Variants in MYO5B observed in about 807,000 individuals in gnomAD.
MYO5B encodes the protein unconventional myosin-Vb.
Under a neutral mutation model 229.3 loss-of-function variants are expected in MYO5B, and 143 were observed. That is an observed-to-expected ratio of 0.62 (90% CI 0.54 to 0.72). The LOEUF is 0.72. Among genes scored for constraint, MYO5B ranks in the 30% least tolerant of loss-of-function variants. The pLI is 0.00. For missense variants in MYO5B, 2,321 were observed against 2,331.0 expected (o/e 1.00, Z 0.09); for synonymous variants, 918 against 885.2 (o/e 1.04, Z -0.66).
intron 1 of MYO5B, among the ~76,000 whole-genome samples, chr18:50,152,949 C>G (rs1568126449): frequency 6.6e-6 from 1 of 151,430 alleles, no homozygotes; most frequent in Non-Finnish European, 1.5e-5. Flanking sequence ...ATAGATTCCA[C>G]CCTTCAGGCA....
intron 4 of MYO5B, among the ~76,000 whole-genome samples, chr18:50,014,278 GAA>G (rs374397757): frequency 1.8e-3 from 102 of 55,560 alleles, no homozygotes; most frequent in South Asian, 8.2e-3. Context: ...GATGAGAAAG[GAA>G]AAAAAAAAAA....
intron 22 of MYO5B, among the ~76,000 whole-genome samples, chr18:49,892,575 C>A (rs1271521597): frequency 6.6e-6 from 1 of 152,162 alleles, no homozygotes; most frequent in Non-Finnish European, 1.5e-5. Flanking sequence ...CAGAGCAGGC[C>A]CCTGCTCAAG....
chr18:50,039,016 C>G (rs556862213), intron 3 of MYO5B, among the ~76,000 whole-genome samples: 2 of 152,294 alleles, frequency 1.3e-5, no homozygotes, highest in African/African-American at 4.8e-5. Flanking sequence ...CCTAACTTAG[C>G]AGCTAAAACT....
At chr18:49,923,221 G>T (rs1344276384) in intron 17 of MYO5B, among the ~76,000 whole-genome samples, 1 of 152,196 alleles carries the variant, frequency 6.6e-6, no homozygotes, top group Non-Finnish European at 1.5e-5. Context: ...TGAAGTTGCA[G>T]CTCCTCCTGC....
chr18:50,019,143 A>C (rs113736187), intron 4 of MYO5B, among the ~76,000 whole-genome samples: 6 of 152,364 alleles, frequency 3.9e-5, no homozygotes, highest in African/African-American at 1.4e-4. Flanking sequence ...TGACATTTGA[A>C]AAGAGAAAAA....
chr18:50,059,883 T>C (rs2144425858), intron 1 of MYO5B, among the ~76,000 whole-genome samples: 1 of 152,328 alleles, frequency 6.6e-6, no homozygotes, highest in Admixed American at 6.5e-5. Flanking sequence ...CTTTGCGAGA[T>C]GCATTGCTTC....
At chr18:50,083,586 C>A (rs577500642) in intron 1 of MYO5B, among the ~76,000 whole-genome samples, 90 of 152,320 alleles carry the variant, frequency 5.9e-4, no homozygotes, top group African/African-American at 2.1e-3. Flanking sequence ...ATGCATGCTG[C>A]ATGTGACACG....
intron 1 of MYO5B, among the ~76,000 whole-genome samples, chr18:50,108,406 C>T (rs111403033): frequency 9.2e-4 from 140 of 152,268 alleles, no homozygotes; most frequent in East Asian, 2.1e-3. Context: ...CATTCATTCG[C>T]GCTATTGTGT....
chr18:49,931,416 C>G (rs1281067891), intron 16 of MYO5B, among the ~76,000 whole-genome samples: 1 of 152,196 alleles, frequency 6.6e-6, no homozygotes, highest in African/African-American at 2.4e-5. Flanking sequence ...CTTCCCGACT[C>G]CTCCAGCTCC....
intron 18 of MYO5B, among the ~76,000 whole-genome samples, chr18:49,909,557 C>T (rs1664371094): frequency 6.6e-6 from 1 of 152,360 alleles, no homozygotes; most frequent in East Asian, 1.9e-4. Flanking sequence ...GCTGCACCAA[C>T]TCATGTATTC....
rs554856428 is a variant in MYO5B, at chr18:50,170,790, T to C, written c.27+23977A>G. On this transcript the variant is annotated intron_variant, in intron 1 of 39. Coordinates refer to ENST00000285039, the MANE Select transcript of MYO5B (RefSeq NM_001080467.3). ...AACAACACTGCCAGTTCAACATGGC[T>C]TCACTTTTTGAGATTAGAAGATTAT... 5.8e-4 allele frequency among the ~76,000 whole-genome samples: 74 copies of C among 128,046 alleles called. 14 individuals are homozygous for C. Among genetic ancestry groups the C allele is most frequent in the African/African-American group, 2.1e-3 (71 of 33,918 alleles). The allele number at this position is 128,046 out of a possible 152,430, so 84.0% of individuals were successfully genotyped here. A position where few individuals can be genotyped will look rare whatever the true frequency, so the allele number is the denominator to read the frequency against.
rs1058536 is a variant in MYO5B, at chr18:49,826,522, G to A, written c.5496C>T (p.Asp1832=). 6.2e-7 allele frequency: 1 copy of A among 1,614,064 alleles called. No individual in the cohort carries two copies. Among genetic ancestry groups the A allele is most frequent in the African/African-American group, 1.3e-5 (1 of 75,026 alleles). ...TGAGACACGCTGGGATGTGGATTGA[G>A]TCCATGGTTAGAGAAGATGGATTAA... is the stretch of plus-strand genomic sequence containing the variant. ...FPFNPSSLTM[D]SIHIPACLNL... The change falls in exon 40 of 40, where the codon GAC becomes GAT. Residue 1832 remains aspartate, a synonymous_variant. Coordinates refer to ENST00000285039, the MANE Select transcript of MYO5B (RefSeq NM_001080467.3).
intron 39 of MYO5B, among the ~76,000 whole-genome samples, chr18:49,828,547 T>C (rs918569782): frequency 2.0e-5 from 3 of 151,980 alleles, no homozygotes; most frequent in East Asian, 1.9e-4. Flanking sequence ...AATAAGAAAA[T>C]AGAGGCCATG....
chr18:50,026,656 C>G (rs894934795), intron 4 of MYO5B, among the ~76,000 whole-genome samples: 1 of 152,178 alleles, frequency 6.6e-6, no homozygotes, highest in Admixed American at 6.5e-5. Flanking sequence ...ATTCTTCCAT[C>G]GTTTCCTTCT....
At chr18:49,944,508 T>C (rs1298099216) in intron 14 of MYO5B, among the ~76,000 whole-genome samples, 1 of 152,076 alleles carries the variant, frequency 6.6e-6, no homozygotes, top group African/African-American at 2.4e-5. Context: ...TAATGAGGTA[T>C]AGCAGGAAGG....
At position 50,089,107 on chromosome 18, in the gene MYO5B, C is replaced by T. The variant is rs548116099; in HGVS notation, c.28-33729G>A. ...CAAGTTATAGGAACCTGGCCAGGCACAGTGGCTCACACCTGTAAGCCCAGC... is the reference window on the plus strand; with the variant it reads ...CAAGTTATAGGAACCTGGCCAGGCATAGTGGCTCACACCTGTAAGCCCAGC... On this transcript the variant is annotated intron_variant, in intron 1 of 39. Transcript: ENST00000285039. Among the ~76,000 whole-genome samples, 12 of 152,272 alleles carry T rather than the reference C, an allele frequency of 7.9e-5. No homozygotes were observed. The South Asian group carries it at 2.1e-3, about 26-fold the overall frequency.
intron 1 of MYO5B, among the ~76,000 whole-genome samples, chr18:50,071,418 G>A (rs1469591691): frequency 6.6e-6 from 1 of 152,204 alleles, no homozygotes; most frequent in African/African-American, 2.4e-5. Flanking sequence ...GACAGGGCCT[G>A]CAAAGCACTG....
chr18:50,009,994 T>C (rs73442599), intron 4 of MYO5B, among the ~76,000 whole-genome samples: 1,597 of 152,190 alleles, frequency 0.01, 31 homozygotes, highest in African/African-American at 0.036. Flanking sequence ...TACTCTACCA[T>C]ACCCTCCCTA....
chr18:50,079,394 C>A (rs2031160750), intron 1 of MYO5B, among the ~76,000 whole-genome samples: 1 of 152,200 alleles, frequency 6.6e-6, no homozygotes, highest in African/African-American at 2.4e-5. Flanking sequence ...CCCACACTCT[C>A]CAGGTATCAG....
Sources: allele counts gnomAD v4.1 joint callset (sites outside exome capture counted in the v4.1 genomes callset), GRCh38; gene constraint gnomAD v4.1.1; transcripts MANE v1.5; gene names NCBI Gene and HGNC (gene_info 2026-07-23, HGNC 2026-07-21).